PTPRK: variants seen among roughly 807,000 people sequenced by gnomAD.
PTPRK encodes receptor-type tyrosine-protein phosphatase kappa.
A neutral mutation model predicts 178.0 loss-of-function variants in PTPRK; 75 were observed. The observed-to-expected ratio is 0.42, with a 90% CI of 0.35 to 0.51. The LOEUF is 0.51. Among genes scored for constraint, PTPRK ranks in the 20% least tolerant of loss-of-function variants. The pLI is 0.02. For missense variants in PTPRK, 1,441 were observed against 1,797.8 expected (o/e 0.80, Z 3.59); for synonymous variants, 637 against 620.6 (o/e 1.03, Z -0.39).
At chr6:128,117,131 A>C (rs111321997) in intron 7 of PTPRK, among the ~76,000 whole-genome samples, 3,903 of 152,166 alleles carry the variant, frequency 0.026, 75 homozygotes, top group Middle Eastern at 0.092. Context: ...GGGAGACAGA[A>C]CAAGACTCTG....
At chr6:128,059,560 T>C (rs1018710537) in intron 13 of PTPRK, among the ~76,000 whole-genome samples, 3 of 152,192 alleles carry the variant, frequency 2.0e-5, no homozygotes, top group Non-Finnish European at 4.4e-5. Flanking sequence ...CTTCTAAGTA[T>C]GTGATTACAG....
At position 128,375,666 on chromosome 6, in the gene PTPRK, G is replaced by A. The variant is rs904474893; in HGVS notation, c.223+21900C>T. 1.2e-4 allele frequency among the ~76,000 whole-genome samples: 18 copies of A among 152,214 alleles called. 5 individuals are homozygous for A. Among genetic ancestry groups the A allele is most frequent in the Admixed American group, 1.1e-3 (17 of 15,290 alleles). ...TCCCCCAAAGTCTCAGCTCATTTCAGCATTAACTCAAAAGTCCACAGTCCA... is the reference window on the plus strand; with the variant it reads ...TCCCCCAAAGTCTCAGCTCATTTCAACATTAACTCAAAAGTCCACAGTCCA... On this transcript the variant is annotated intron_variant, in intron 2 of 29. Transcript: ENST00000368226.
In PTPRK at chr6:128,067,604, C is replaced by T. The variant is rs370127622; in HGVS notation, c.2072G>A (p.Arg691Gln). 16 of 1,613,008 alleles carry T rather than the reference C, an allele frequency of 9.9e-6. No individual in the cohort carries two copies. The highest frequency in any genetic ancestry group is 1.6e-4 in the Middle Eastern group (1 of 6,074). ...EPAPFTVGDN[R>Q]TYQGFWNPPL... ...AGGGTTCCAAAAGCCTTGGTAGGTC[C>T]GATTGTCACCCACAGTGAACGGGGC... The change falls in exon 12 of 30, where the codon CGG becomes CAG. Residue 691 changes from arginine to glutamine, a missense_variant. By Grantham distance (43) the Arg-to-Gln change is conservative (BLOSUM62 1). Around this residue, in one of 4 missense-constraint regions of PTPRK, gnomAD observed 945 missense variants for 1,080.6 expected, o/e 0.87. Transcript: ENST00000368226.
intron 6 of PTPRK, among the ~76,000 whole-genome samples, chr6:128,197,607 T>A (rs1562773020): frequency 6.6e-6 from 1 of 151,972 alleles, no homozygotes; most frequent in Non-Finnish European, 1.5e-5. Context: ...CCAATGTCAA[T>A]TATGTGAGGA....
At chr6:128,433,157 C>T (rs1891148) in intron 1 of PTPRK, among the ~76,000 whole-genome samples, 26,249 of 152,102 alleles carry the variant, frequency 0.17, 4,417 homozygotes, top group African/African-American at 0.44. Context: ...AAATATACAA[C>T]ATATTGTTAA....
At chr6:128,422,292 C>G (rs1843570742) in intron 1 of PTPRK, among the ~76,000 whole-genome samples, 1 of 152,062 alleles carries the variant, frequency 6.6e-6, no homozygotes, top group Admixed American at 6.6e-5. Flanking sequence ...CTTCTCCCAA[C>G]AAATATAACT....
intron 1 of PTPRK, among the ~76,000 whole-genome samples, chr6:128,481,121 CAGAG>C (rs1273391545): frequency 2.7e-5 from 4 of 150,118 alleles, no homozygotes; most frequent in South Asian, 4.2e-4. Context: ...ATTCTAAATT[CAGAG>C]AGAGAGAGGA....
At chr6:128,495,872 T>TGCATTCTCTCCAATGCACC (rs1316628888) in intron 1 of PTPRK, among the ~76,000 whole-genome samples, 2 of 152,202 alleles carry the variant, frequency 1.3e-5, no homozygotes, top group Non-Finnish European at 2.9e-5. Flanking sequence ...TGCAATGCAC[T>TGCATTCTCTCCAATGCACC]GCATTCTCTC....
At chr6:128,380,672 GA>G (rs1186517589) in intron 2 of PTPRK, among the ~76,000 whole-genome samples, 1 of 151,938 alleles carries the variant, frequency 6.6e-6, no homozygotes, top group Non-Finnish European at 1.5e-5. Context: ...CAAAGTAACT[GA>G]AAATACATTA....
intron 7 of PTPRK, among the ~76,000 whole-genome samples, chr6:128,147,885 T>C (rs1309784890): frequency 6.6e-6 from 1 of 152,182 alleles, no homozygotes; most frequent in Non-Finnish European, 1.5e-5. Context: ...CTTTTCTGCC[T>C]GCTCTATTTT....
chr6:128,360,003 GTCT>G (rs1015277911), intron 2 of PTPRK, among the ~76,000 whole-genome samples: 24 of 152,062 alleles, frequency 1.6e-4, no homozygotes, highest in Non-Finnish European at 3.4e-4. Context: ...AAGTTAGAAG[GTCT>G]TCTTCATCAA....
chr6:128,459,830 G>A (rs139754748), intron 1 of PTPRK, among the ~76,000 whole-genome samples: 91 of 152,282 alleles, frequency 6.0e-4, no homozygotes, highest in African/African-American at 2.0e-3. Flanking sequence ...AAAGAAAAGA[G>A]GTTTAATTGG....
intron 2 of PTPRK, among the ~76,000 whole-genome samples, chr6:128,338,871 C>T (rs962812155): frequency 2.8e-4 from 7 of 24,762 alleles, no homozygotes; most frequent in African/African-American, 6.3e-4. Context: ...GGAAAAACTG[C>T]CGTAAACAAA....
chr6:128,464,929 T>G (rs1190286008), intron 1 of PTPRK, among the ~76,000 whole-genome samples: 1 of 151,052 alleles, frequency 6.6e-6, no homozygotes, highest in Non-Finnish European at 1.5e-5. Flanking sequence ...ATGGAAAGAT[T>G]AAAGACAATT....
In PTPRK at chr6:128,137,764, T is replaced by C. The variant is rs762680608; in HGVS notation, c.1162+46668A>G. 2.7e-4 allele frequency among the ~76,000 whole-genome samples: 41 copies of C among 152,148 alleles called. 1 individual carries two copies. Among genetic ancestry groups the C allele is most frequent in the Admixed American group, 9.8e-4 (15 of 15,258 alleles). Reference sequence around the variant, plus strand: ...TAATAAAGAATAGCCAAAGTAATTATACTAAATGTTCCCACTAGCTAAAAT... The same window carrying C: ...TAATAAAGAATAGCCAAAGTAATTACACTAAATGTTCCCACTAGCTAAAAT... On this transcript the variant is annotated intron_variant, in intron 7 of 29. Coordinates refer to ENST00000368226, the MANE Select transcript of PTPRK (RefSeq NM_002844.4).
At chr6:128,423,870 T>C (rs1002394020) in intron 1 of PTPRK, among the ~76,000 whole-genome samples, 2 of 151,634 alleles carry the variant, frequency 1.3e-5, no homozygotes, top group African/African-American at 4.8e-5. Context: ...AAATAAAAAA[T>C]AACATGGATT....
chr6:128,255,337 T>A (rs186313383), intron 3 of PTPRK, among the ~76,000 whole-genome samples: 1 of 152,264 alleles, frequency 6.6e-6, no homozygotes, highest in African/African-American at 2.4e-5. Flanking sequence ...TCATCTTCAT[T>A]GAGAACACAA....
At chr6:128,229,048 A>C (rs1260187314) in intron 5 of PTPRK, among the ~76,000 whole-genome samples, 3 of 152,200 alleles carry the variant, frequency 2.0e-5, no homozygotes, top group Non-Finnish European at 4.4e-5. Flanking sequence ...TCCCATGAGC[A>C]GTTCCTAAGG....
intron 3 of PTPRK, among the ~76,000 whole-genome samples, chr6:128,285,386 G>A (rs1822315625): frequency 1.3e-5 from 2 of 151,952 alleles, no homozygotes; most frequent in Admixed American, 6.6e-5. Context: ...ACGGTCACGG[G>A]TGCTTGTAAT....
Sources: allele counts gnomAD v4.1 joint callset (sites outside exome capture counted in the v4.1 genomes callset), GRCh38; gene constraint gnomAD v4.1.1; regional missense constraint gnomAD v4.1.1; transcripts MANE v1.5; gene names NCBI Gene and HGNC (gene_info 2026-07-23, HGNC 2026-07-21).